ZFP90: variants seen among roughly 807,000 people sequenced by gnomAD.
The protein encoded by ZFP90 is zinc finger protein 90 homolog.
ZFP90 carries 38 observed loss-of-function variants against 60.8 expected under a neutral mutation model. That is an observed-to-expected ratio of 0.62 (90% CI 0.48 to 0.82). The LOEUF is 0.82. Ranked by LOEUF, ZFP90 falls within the 40% of genes least tolerant of loss-of-function variation. The pLI is 0.00. For synonymous variants in ZFP90, 287 were observed against 264.8 expected (o/e 1.08, Z -0.82); for missense variants, 711 against 759.1 (o/e 0.94, Z 0.74).
Position 68,566,782 on chromosome 16 carries a change from T to C in ZFP90, c.*2084T>C. 2.0e-6 allele frequency: 2 copies of C among 985,608 alleles called. No homozygotes were observed. Among genetic ancestry groups the C allele is most frequent in the South Asian group, 4.7e-5 (1 of 21,286 alleles). The allele number at this position is 985,608 out of a possible 1,614,324, so 61.1% of individuals were successfully genotyped here. On this transcript the variant is annotated 3_prime_UTR_variant, in exon 5 of 5. Coordinates refer to ENST00000563169, the MANE Select transcript of ZFP90 (RefSeq NM_001305203.2). ...AGGAACTCATTATGCTACTGGTTGT[T>C]TGGGGATCCCCATAGTGGACTACTT...
At chr16:68,573,196 C>G (rs1044987880) in intron 2 of ZFP90, among the ~76,000 whole-genome samples, 2 of 152,240 alleles carry the variant, frequency 1.3e-5, no homozygotes, top group African/African-American at 4.8e-5. Flanking sequence ...AAGGCTGTGT[C>G]AATGGCTGCT....
chr16:68,548,651 C>T (rs562442560), intron 2 of ZFP90, among the ~76,000 whole-genome samples: 18 of 151,832 alleles, frequency 1.2e-4, no homozygotes, highest in Admixed American at 5.2e-4. Flanking sequence ...CCTCCACACC[C>T]GGCTAATTTT....
At chr16:68,541,030 G>T (rs1308899184) in intron 2 of ZFP90, among the ~76,000 whole-genome samples, 1 of 146,134 alleles carries the variant, frequency 6.8e-6, no homozygotes, top group Non-Finnish European at 1.5e-5. Flanking sequence ...GCTAATTTTT[G>T]TATTTTTTGG....
chr16:68,551,908 G>A (rs1006237295), intron 2 of ZFP90, among the ~76,000 whole-genome samples: 27 of 152,028 alleles, frequency 1.8e-4, no homozygotes, highest in Non-Finnish European at 3.2e-4. Context: ...ACAGGCGCTC[G>A]CCACCGTGCC....
Position 68,563,174 on chromosome 16 carries a change from G to A in ZFP90, c.387G>A (p.Arg129=), listed in dbSNP as rs746280420. 1 of 1,614,050 alleles carries A rather than the reference G, an allele frequency of 6.2e-7. No individual in the cohort carries two copies. Among genetic ancestry groups the A allele is most frequent in the Non-Finnish European group, 8.5e-7 (1 of 1,180,000 alleles). Residue 129 remains arginine (R), a synonymous_variant, in exon 5 of 5, where the codon AGG becomes AGA. Transcript: ENST00000563169. ...DSWDVSSQLD[R]QQENWKRHLG... ...GGGATGTTAGCAGCCAGTTAGACAG[G>A]CAACAGGAAAACTGGAAGAGACATC...
chr16:68,562,592 G>T (rs2152073869), intron 4 of ZFP90: 2 of 196,640 alleles, frequency 1.0e-5, no homozygotes, highest in Admixed American at 1.1e-4. Flanking sequence ...GTATCACTGG[G>T]TACAGATTTT....
Position 68,564,727 on chromosome 16 carries a change from T to C in ZFP90, c.*29T>C. On this transcript the variant is annotated 3_prime_UTR_variant, in exon 5 of 5. Coordinates refer to ENST00000563169, the MANE Select transcript of ZFP90 (RefSeq NM_001305203.2). ...CCGTGAAATTAAGGAATTTGCAGAA[T>C]GCTTTAGCTAAAATGTTCTGATTCA... is the stretch of plus-strand genomic sequence containing the variant. The C allele has an allele frequency of 6.4e-7, 1 of 1,567,624 alleles. No homozygotes were observed. The highest frequency in any genetic ancestry group is 8.6e-7 in the Non-Finnish European group (1 of 1,161,682).
At chr16:68,561,197 A>T (rs2091434942) in intron 4 of ZFP90, among the ~76,000 whole-genome samples, 1 of 152,202 alleles carries the variant, frequency 6.6e-6, no homozygotes, top group African/African-American at 2.4e-5. Context: ...GCCCAGCCTA[A>T]TGCTTTATCT....
chr16:68,556,411 G>A (rs1359282623), intron 2 of ZFP90, among the ~76,000 whole-genome samples: 1 of 152,172 alleles, frequency 6.6e-6, no homozygotes. Flanking sequence ...TGTAATTTTA[G>A]CTAGCGAGCC....
chr16:68,560,987 C>T lies in ZFP90; in HGVS notation c.257-2057C>T, dbSNP rs534943810. On this transcript the variant is annotated intron_variant, in intron 4 of 4. Coordinates refer to ENST00000563169, the MANE Select transcript of ZFP90 (RefSeq NM_001305203.2). ...TCGTCTCACTGCAACCTCCACCTCCCGGGTTCAAGCAATGCTCCTGCCTCA... is the reference window on the plus strand; with the variant it reads ...TCGTCTCACTGCAACCTCCACCTCCTGGGTTCAAGCAATGCTCCTGCCTCA... Among the ~76,000 whole-genome samples the T allele has an allele frequency of 8.6e-5, 13 of 151,654 alleles. No individual in the cohort carries two copies. The South Asian group carries it at 1.0e-3, about 12-fold the overall frequency.
chr16:68,576,148 A>G, downstream of ZFP90: 1 of 208,278 alleles, frequency 4.8e-6, no homozygotes, highest in Non-Finnish European at 9.5e-6. Flanking sequence ...CCTGAAAACC[A>G]ACAGCCAGGC....
intron 4 of ZFP90, among the ~76,000 whole-genome samples, chr16:68,560,749 G>A (rs902575822): frequency 1.3e-5 from 2 of 151,660 alleles, no homozygotes; most frequent in East Asian, 3.9e-4. Context: ...TAGAGATGGG[G>A]TTTCTACTAA....
intron 4 of ZFP90, among the ~76,000 whole-genome samples, chr16:68,559,730 G>T (rs1266832691): frequency 6.6e-6 from 1 of 151,512 alleles, no homozygotes; most frequent in African/African-American, 2.4e-5. Flanking sequence ...ACCACACCCG[G>T]CTAATTTTTT....
chr16:68,576,473 A>T (rs555977406), downstream of ZFP90, among the ~76,000 whole-genome samples: 2 of 152,164 alleles, frequency 1.3e-5, no homozygotes, highest in East Asian at 1.9e-4. Context: ...CAGGCCGGGC[A>T]CGGTGGCTCA....
chr16:68,548,554 A>G (rs543143185), intron 2 of ZFP90, among the ~76,000 whole-genome samples: 21 of 136,492 alleles, frequency 1.5e-4, no homozygotes, highest in African/African-American at 5.6e-4. Context: ...GCAATGGCGC[A>G]ATCTCGGCTC....
At chr16:68,571,785 AAAT>A (rs1414841628), downstream of ZFP90, among the ~76,000 whole-genome samples, 3 of 134,030 alleles carry the variant, frequency 2.2e-5, no homozygotes, top group Non-Finnish European at 5.0e-5. Flanking sequence ...AATTTTTAGG[AAAT>A]AATAAAAAAT....
rs73562157 is a variant in ZFP90, at chr16:68,564,927, A to T, written c.*229A>T. On this transcript the variant is annotated 3_prime_UTR_variant, in exon 5 of 5. Coordinates refer to ENST00000563169, the MANE Select transcript of ZFP90 (RefSeq NM_001305203.2). ...GCTACATGTATGTAGCTGGTTGGGG[A>T]TGATATGCCTGTATGTTGGACTTTG... 6.7e-3 allele frequency: 8,645 copies of T among 1,287,556 alleles called. 455 individuals are homozygous for T. In the African/African-American group the frequency reaches 0.12, roughly 17 times the overall value. The allele number at this position is 1,287,556 out of a possible 1,614,324, so 79.8% of individuals were successfully genotyped here. A position where few individuals can be genotyped will look rare whatever the true frequency, so the allele number is the denominator to read the frequency against.
At chr16:68,554,718 G>A (rs1331906519) in intron 2 of ZFP90, among the ~76,000 whole-genome samples, 5 of 152,106 alleles carry the variant, frequency 3.3e-5, no homozygotes, top group African/African-American at 4.8e-5. Flanking sequence ...TTAGGAGGCC[G>A]AGGTGGGAGG....
At chr16:68,542,996 A>G (rs1597715997) in intron 2 of ZFP90, among the ~76,000 whole-genome samples, 1 of 152,156 alleles carries the variant, frequency 6.6e-6, no homozygotes, top group Admixed American at 6.5e-5. Context: ...CTCAAGAGGG[A>G]AAAAAGGTAG....
Sources: allele counts gnomAD v4.1 joint callset (sites outside exome capture counted in the v4.1 genomes callset), GRCh38; gene constraint gnomAD v4.1.1; transcripts MANE v1.5; gene names NCBI Gene and HGNC (gene_info 2026-07-23, HGNC 2026-07-21).